The following MYO10 variants were observed in gnomAD, a reference collection of about 807,000 sequenced individuals.
MYO10 encodes myosin X.
Under a neutral mutation model 257.3 loss-of-function variants are expected in MYO10, and 133 were observed. The ratio of observed to expected loss-of-function variants is 0.52; its 90% CI spans 0.45 to 0.60. MYO10 has a LOEUF of 0.60. Ranked by LOEUF, MYO10 falls within the 20% of genes least tolerant of loss-of-function variation. The pLI is 0.00. For missense variants in MYO10, 2,399 were observed against 2,635.7 expected, an observed-to-expected ratio of 0.91 and a Z score of 1.97; for synonymous variants, 1,104 against 1,028.6, an observed-to-expected ratio of 1.07 and a Z score of -1.40.
chr5:16,772,038 AC>A (rs1459244524), intron 9 of MYO10, among the ~76,000 whole-genome samples: 1 of 152,198 alleles, frequency 6.6e-6, no homozygotes, highest in African/African-American at 2.4e-5. Flanking sequence ...AACATTCACT[AC>A]AGAGTTACCT....
chr5:16,930,978 T>A (rs1380540896), intron 1 of MYO10, among the ~76,000 whole-genome samples: 4 of 152,064 alleles, frequency 2.6e-5, no homozygotes, highest in Admixed American at 1.3e-4. Flanking sequence ...TCATGAATAA[T>A]AAGGTACTCC....
At chr5:16,839,762 T>G (rs1476523537) in intron 2 of MYO10, among the ~76,000 whole-genome samples, 1 of 151,948 alleles carries the variant, frequency 6.6e-6, no homozygotes, top group Non-Finnish European at 1.5e-5. Flanking sequence ...ATTAATTAAT[T>G]TAATTAATAG....
At chr5:16,854,064 C>CTGGTTAAT (rs1422123891) in intron 2 of MYO10, 2 of 152,050 alleles carry the variant, frequency 1.3e-5, no homozygotes, top group African/African-American at 2.4e-5. Context: ...GGTATTGGGC[C>CTGGTTAAT]TGGTTAATAC....
intron 2 of MYO10, among the ~76,000 whole-genome samples, chr5:16,835,233 A>G: frequency 6.6e-6 from 1 of 152,122 alleles, no homozygotes. Flanking sequence ...TTATTAATCC[A>G]GTAAACAAAA....
intron 2 of MYO10, among the ~76,000 whole-genome samples, chr5:16,852,183 G>A (rs1372731250): frequency 2.0e-5 from 3 of 150,520 alleles, no homozygotes; most frequent in Non-Finnish European, 4.4e-5. Flanking sequence ...TAAAAAGACT[G>A]TGTATAACTT....
chr5:16,901,846 G>A (rs946036696), intron 1 of MYO10, among the ~76,000 whole-genome samples: 1 of 152,042 alleles, frequency 6.6e-6, no homozygotes, highest in Non-Finnish European at 1.5e-5. Context: ...TAACTGCTTG[G>A]TTCCCTGGCA....
chr5:16,723,398 A>G (rs891038035), intron 19 of MYO10, among the ~76,000 whole-genome samples: 4 of 151,992 alleles, frequency 2.6e-5, no homozygotes, highest in Admixed American at 6.6e-5. Flanking sequence ...AAAAAAAAAG[A>G]AAAAAAATTA....
intron 3 of MYO10, among the ~76,000 whole-genome samples, chr5:16,816,082 C>T (rs1425292506): frequency 1.3e-5 from 2 of 150,818 alleles, no homozygotes; most frequent in African/African-American, 2.4e-5. Context: ...GTGGCTCATG[C>T]CTGTAATCCC....
At chr5:16,696,579 C>T (rs924160194) in intron 26 of MYO10, among the ~76,000 whole-genome samples, 5 of 152,000 alleles carry the variant, frequency 3.3e-5, no homozygotes, top group Non-Finnish European at 7.4e-5. Flanking sequence ...TCAATGCTGC[C>T]GGGCGTGGTG....
Position 16,701,879 on chromosome 5 carries a change from CA to C in MYO10, c.2557-42del, listed in dbSNP as rs1561194334. The C allele has an allele frequency of 6.5e-7, 1 of 1,543,516 alleles. No homozygotes were observed. The highest frequency in any genetic ancestry group is 8.7e-7 in the Non-Finnish European group (1 of 1,151,844). The stretch of plus-strand genomic sequence containing the variant: ...AGGGAGATTTCAGAAGGCTTCAGTA[CA>C]AAAGTCCAAGCATAGCTCCCGCTTT... On this transcript the variant is annotated intron_variant, in intron 24 of 40. Coordinates refer to ENST00000513610, the MANE Select transcript of MYO10 (RefSeq NM_012334.3). The surrounding 1 kb of genome is among the most constrained non-coding windows in gnomAD (Gnocchi z 8.1).
rs114568999 is a variant in MYO10 at position 16,882,194 on chromosome 5, G to A, written c.22-4487C>T. Among the ~76,000 whole-genome samples, 970 of 152,162 alleles carry A rather than the reference G, an allele frequency of 6.4e-3. 8 individuals are homozygous for A. The highest frequency in any genetic ancestry group is 0.022 in the African/African-American group (929 of 41,500). On this transcript the variant is annotated intron_variant, in intron 1 of 40. Transcript: ENST00000513610. ...TCCTATAAGACAGAGAGGCAATACCGTCCCTTTCTTCAAACGTAAGGTTCA... is the reference window on the plus strand; with the variant it reads ...TCCTATAAGACAGAGAGGCAATACCATCCCTTTCTTCAAACGTAAGGTTCA...
chr5:16,866,059 A>ACACACACG (rs3993812), intron 2 of MYO10, among the ~76,000 whole-genome samples: 1 of 146,002 alleles, frequency 6.8e-6, no homozygotes, highest in African/African-American at 2.7e-5. Context: ...ACACACACAC[A>ACACACACG]AAACAATAGA....
At position 16,694,035 on chromosome 5, in the gene MYO10, T is replaced by C. The variant is rs117491879; in HGVS notation, c.3800+336A>G. Among the ~76,000 whole-genome samples, 30 of 152,362 alleles carry C rather than the reference T, an allele frequency of 2.0e-4. 1 individual carries two copies. In the East Asian group the frequency reaches 4.6e-3, roughly 23 times the overall value. On this transcript the variant is annotated intron_variant, in intron 27 of 40. Coordinates refer to ENST00000513610, the MANE Select transcript of MYO10 (RefSeq NM_012334.3). ...AGCTGGAGTAAGGAATTGAAAGTGA[T>C]ACATTAACCCATAAAAAGACTCAGC...
In MYO10 at chr5:16,702,893, T is replaced by C. The variant is rs745786146; in HGVS notation, c.2510+32A>G. 5.2e-6 allele frequency: 8 copies of C among 1,530,920 alleles called. No homozygotes were observed. In the South Asian group the frequency reaches 7.2e-5, roughly 14 times the overall value. 94.8% of individuals were successfully genotyped at this position (1,530,920 alleles called of 1,614,324 possible). On this transcript the variant is annotated intron_variant, in intron 23 of 40. Coordinates refer to ENST00000513610, the MANE Select transcript of MYO10 (RefSeq NM_012334.3). ...GAGCACAGCACTCAAAATGTATCCATTTGTTTCATCCCAGCAAGAAAGGTA... is the reference window on the plus strand; with the variant it reads ...GAGCACAGCACTCAAAATGTATCCACTTGTTTCATCCCAGCAAGAAAGGTA...
At chr5:16,925,373 T>C (rs966878644) in intron 1 of MYO10, among the ~76,000 whole-genome samples, 3 of 152,186 alleles carry the variant, frequency 2.0e-5, no homozygotes, top group East Asian at 1.9e-4. Context: ...TCCCCAAACA[T>C]TTCACATAGA....
chr5:16,893,648 A>G (rs199576230), intron 1 of MYO10, among the ~76,000 whole-genome samples: 80 of 146,808 alleles, frequency 5.4e-4, no homozygotes, highest in Non-Finnish European at 7.6e-4. Context: ...AAAAAAAAAA[A>G]AAAAGAAAAT....
At chr5:16,689,352 C>T (rs1737386198) in intron 28 of MYO10, among the ~76,000 whole-genome samples, 1 of 152,136 alleles carries the variant, frequency 6.6e-6, no homozygotes, top group Admixed American at 6.6e-5. Flanking sequence ...GTACCTCTTC[C>T]GTTGAATTCT....
chr5:16,816,137 T>C (rs2126702462), intron 3 of MYO10, among the ~76,000 whole-genome samples: 1 of 150,998 alleles, frequency 6.6e-6, no homozygotes. Flanking sequence ...GGTCAGGAGA[T>C]CGAGACCATC....
intron 1 of MYO10, among the ~76,000 whole-genome samples, chr5:16,904,296 T>C (rs1454885535): frequency 6.6e-6 from 1 of 152,110 alleles, no homozygotes; most frequent in Non-Finnish European, 1.5e-5. Context: ...GGGTAACCTT[T>C]GTGATATCCT....
Sources: allele counts gnomAD v4.1 joint callset (sites outside exome capture counted in the v4.1 genomes callset), GRCh38; gene constraint gnomAD v4.1.1; non-coding constraint Gnocchi (gnomAD v3.1); transcripts MANE v1.5; gene names NCBI Gene and HGNC (gene_info 2026-07-23, HGNC 2026-07-21).